SLC2A5: variants seen among roughly 807,000 people sequenced by gnomAD.
SLC2A5 encodes solute carrier family 2 member 5, also known as solute carrier family 2, facilitated glucose transporter member 5.
SLC2A5 carries 56 observed loss-of-function variants against 50.3 expected under a neutral mutation model. That is an observed-to-expected ratio of 1.11 (90% CI 0.90 to 1.39). SLC2A5 has a LOEUF of 1.39. Among genes scored for constraint, SLC2A5 ranks in the 40% most tolerant of loss-of-function variants. SLC2A5 has a pLI of 0.00. For missense variants in SLC2A5, 566 were observed against 650.1 expected, an observed-to-expected ratio of 0.87 and a Z score of 1.41; for synonymous variants, 269 against 281.9, an observed-to-expected ratio of 0.95 and a Z score of 0.46.
At chr1:9,038,172 G>A (rs977159657) in intron 10 of SLC2A5, 148 bp from the exon 11 acceptor site, 29 of 932,630 alleles carry the variant, frequency 3.1e-5, no homozygotes, top group East Asian at 5.3e-5. Context: ...GGGGGCAAAC[G>A]GCAGTGTACA....
Position 9,038,207 on chromosome 1 carries a change from G to A in SLC2A5, c.1175-183C>T, listed in dbSNP as rs531287077. On this transcript the variant is annotated intron_variant, in intron 10 of 11. Coordinates refer to ENST00000377424, the MANE Select transcript of SLC2A5 (RefSeq NM_003039.3). ...AGGGATGGCAGGCCAGCAACCACCC[G>A]TTAGGCCCACTCTGCTGCCTGCACA... Among the ~76,000 whole-genome samples, 8 of 152,316 alleles carry A rather than the reference G, an allele frequency of 5.3e-5. No homozygotes were observed. In the South Asian group the frequency reaches 6.2e-4, roughly 12 times the overall value.
intron 1 of SLC2A5, among the ~76,000 whole-genome samples, chr1:9,059,150 TTTTTTTTTTTG>T: frequency 9.3e-6 from 1 of 107,276 alleles, no homozygotes; most frequent in African/African-American, 3.8e-5. Flanking sequence ...TTTTTTTTTT[TTTTTTTTTTTG>T]ACACAGAGTC....
At chr1:9,091,266 C>T (rs12080794), upstream of SLC2A5, among the ~76,000 whole-genome samples, 22,552 of 152,182 alleles carry the variant, frequency 0.15, 1,784 homozygotes, top group Middle Eastern at 0.22. Flanking sequence ...CCGCTTTAGG[C>T]CTTCCAAATC....
chr1:9,077,760 AGAGG>A lies in SLC2A5; in HGVS notation c.-59+7250_-59+7253del, dbSNP rs897950832. Among the ~76,000 whole-genome samples the A allele has an allele frequency of 1.2e-4, 12 of 101,882 alleles. No individual in the cohort carries two copies. In the South Asian group the frequency reaches 3.7e-3, roughly 32 times the overall value. The allele number at this position is 101,882 out of a possible 152,430, so 66.8% of individuals were successfully genotyped here. On this transcript the variant is annotated intron_variant, in intron 2 of 5. Transcript: ENST00000464985. ...AACAGGGAGAGAGGGAGGGAGGGAG[AGAGG>A]GAGGGAGGGAGGGAAAGAAGGGGAA...
intron 3 of SLC2A5, among the ~76,000 whole-genome samples, chr1:9,051,283 A>G (rs1445783648): frequency 6.8e-6 from 1 of 147,572 alleles, no homozygotes; most frequent in Non-Finnish European, 1.5e-5. Flanking sequence ...GAAAGAAAGA[A>G]ACAAACAAAC....
chr1:9,077,936 AG>A (rs1446925511), intron 2 of SLC2A5, among the ~76,000 whole-genome samples: 3 of 152,108 alleles, frequency 2.0e-5, no homozygotes, highest in Non-Finnish European at 4.4e-5. Flanking sequence ...AAGTTTATTA[AG>A]AAAGTAAAGA....
intron 4 of SLC2A5, among the ~76,000 whole-genome samples, chr1:9,042,400 A>G (rs2124325021): frequency 6.6e-6 from 1 of 151,972 alleles, no homozygotes; most frequent in Middle Eastern, 3.4e-3. Flanking sequence ...TTCCACTAAA[A>G]ATATGTATAT....
At chr1:9,063,031 G>A (rs568521073) in intron 1 of SLC2A5, among the ~76,000 whole-genome samples, 2 of 152,134 alleles carry the variant, frequency 1.3e-5, no homozygotes, top group Admixed American at 6.5e-5. Flanking sequence ...GACTACTGAG[G>A]ATGCAAATTA....
chr1:9,049,767 C>T (rs1641524366), intron 3 of SLC2A5, among the ~76,000 whole-genome samples: 1 of 151,578 alleles, frequency 6.6e-6, no homozygotes, highest in African/African-American at 2.4e-5. Flanking sequence ...CAGAAATAGA[C>T]CCACGTTAAG....
At chr1:9,070,078 T>TTTC (rs1642183841), upstream of SLC2A5, among the ~76,000 whole-genome samples, 2 of 131,230 alleles carry the variant, frequency 1.5e-5, no homozygotes, top group Non-Finnish European at 3.2e-5. Context: ...TTCTGTTTTT[T>TTTC]TTTTTTTTTT....
intron 1 of SLC2A5, among the ~76,000 whole-genome samples, chr1:9,087,863 T>A (rs765009733): frequency 1.3e-5 from 2 of 152,038 alleles, no homozygotes; most frequent in African/African-American, 2.4e-5. Flanking sequence ...TCTCTCTTCC[T>A]CGTGTGCCTC....
At chr1:9,067,088 C>T (rs1259283478) in intron 1 of SLC2A5, among the ~76,000 whole-genome samples, 1 of 152,042 alleles carries the variant, frequency 6.6e-6, no homozygotes, top group African/African-American at 2.4e-5. Context: ...TACTGCCAGA[C>T]GCCCTCCTCC....
chr1:9,044,871 A>G (rs1246384978), intron 4 of SLC2A5, among the ~76,000 whole-genome samples: 1 of 152,088 alleles, frequency 6.6e-6, no homozygotes, highest in Non-Finnish European at 1.5e-5. Flanking sequence ...GTGGTTTTAA[A>G]ATGAGTGTCT....
intron 1 of SLC2A5, among the ~76,000 whole-genome samples, chr1:9,059,164 A>T (rs1408639406): frequency 2.5e-5 from 1 of 39,830 alleles, no homozygotes; most frequent in Non-Finnish European, 4.5e-5. Flanking sequence ...TTTTTTTGAC[A>T]CAGAGTCTTG....
chr1:9,041,720 C>T, intron 5 of SLC2A5, 65 bp downstream of exon 5: 1 of 1,613,100 alleles, frequency 6.2e-7, no homozygotes, highest in Non-Finnish European at 8.5e-7. Context: ...GGCTTTGGAA[C>T]ACAAGGAGGG....
At chr1:9,071,135 C>T (rs1054219461), upstream of SLC2A5, among the ~76,000 whole-genome samples, 4 of 152,108 alleles carry the variant, frequency 2.6e-5, no homozygotes, top group African/African-American at 7.2e-5. Context: ...TCCGGCCGGG[C>T]GCGGTGGCTC....
At chr1:9,056,040 C>T (rs751014524) in intron 3 of SLC2A5, among the ~76,000 whole-genome samples, 4 of 152,182 alleles carry the variant, frequency 2.6e-5, no homozygotes, top group Non-Finnish European at 5.9e-5. Context: ...GTGGGCCAAG[C>T]GGCGTGCTCT....
chr1:9,039,748 C>T, intron 7 of SLC2A5, 52 bp downstream of exon 7: 1 of 1,432,982 alleles, frequency 7.0e-7, no homozygotes, highest in East Asian at 2.9e-5. Flanking sequence ...AGGACCTGCG[C>T]CCCGCGCCCC....
chr1:9,051,881 A>G (rs2124373072), intron 3 of SLC2A5, among the ~76,000 whole-genome samples: 1 of 152,338 alleles, frequency 6.6e-6, no homozygotes, highest in South Asian at 2.1e-4. Flanking sequence ...AAAAGCTGGA[A>G]GCAACCAAGA....
Sources: allele counts gnomAD v4.1 joint callset (sites outside exome capture counted in the v4.1 genomes callset), GRCh38; gene constraint gnomAD v4.1.1; transcripts MANE v1.5; gene names NCBI Gene and HGNC (gene_info 2026-07-23, HGNC 2026-07-21).